ATP2B4: variants seen among roughly 807,000 people sequenced by gnomAD.
ATP2B4 encodes the protein plasma membrane calcium-transporting ATPase 4.
Under a neutral mutation model 110.3 loss-of-function variants are expected in ATP2B4, and 39 were observed. The ratio of observed to expected loss-of-function variants is 0.35; its 90% CI spans 0.27 to 0.46. The LOEUF is 0.46. Ranked by LOEUF, ATP2B4 falls within the 20% of genes least tolerant of loss-of-function variation. The pLI, the probability that ATP2B4 is intolerant of heterozygous loss-of-function variation, is 1.00. For missense variants in ATP2B4, 1,135 were observed against 1,530.9 expected (o/e 0.74, Z 4.32); for synonymous variants, 538 against 571.7 (o/e 0.94, Z 0.84).
intron 1 of ATP2B4, among the ~76,000 whole-genome samples, chr1:203,647,466 A>AC (rs1325810578): frequency 3.9e-5 from 6 of 151,996 alleles, no homozygotes; most frequent in Admixed American, 1.3e-4. Flanking sequence ...AACAACAACA[A>AC]AAAAAACAAA....
At chr1:203,649,867 C>T (rs553366481) in intron 1 of ATP2B4, among the ~76,000 whole-genome samples, 6 of 152,282 alleles carry the variant, frequency 3.9e-5, no homozygotes, top group South Asian at 2.1e-4. Context: ...AGCCCCCACT[C>T]GTACCCGGCC....
At chr1:203,729,316 G>T (rs942725631) in intron 20 of ATP2B4, among the ~76,000 whole-genome samples, 2 of 152,074 alleles carry the variant, frequency 1.3e-5, no homozygotes, top group African/African-American at 4.8e-5. Context: ...GGAGGCCGAG[G>T]CTGGCAGATC....
intron 1 of ATP2B4, among the ~76,000 whole-genome samples, chr1:203,628,192 C>T (rs1259727150): frequency 1.3e-5 from 2 of 152,158 alleles, no homozygotes. Flanking sequence ...CTGGGATTGT[C>T]CTTCCTGCTC....
At chr1:203,704,069 A>G (rs1665774020) in intron 8 of ATP2B4, among the ~76,000 whole-genome samples, 1 of 152,240 alleles carries the variant, frequency 6.6e-6, no homozygotes, top group Non-Finnish European at 1.5e-5. Flanking sequence ...TGAGAAACAA[A>G]GAGCATATAT....
chr1:203,665,453 A>G (rs970546414), intron 1 of ATP2B4, among the ~76,000 whole-genome samples: 1 of 152,032 alleles, frequency 6.6e-6, no homozygotes, highest in African/African-American at 2.4e-5. Context: ...TTGACACCCA[A>G]TACAGATTTC....
intron 3 of ATP2B4, among the ~76,000 whole-genome samples, chr1:203,698,785 T>A (rs1665608625): frequency 6.6e-6 from 1 of 151,798 alleles, no homozygotes; most frequent in Non-Finnish European, 1.5e-5. Flanking sequence ...TACAGGCGTG[T>A]GCCATCACGC....
intron 2 of ATP2B4, among the ~76,000 whole-genome samples, chr1:203,686,993 C>G (rs1161397553): frequency 1.9e-5 from 2 of 104,914 alleles, no homozygotes; most frequent in East Asian, 2.7e-4. Flanking sequence ...TGGCATCTGG[C>G]CTTTTTTTTT....
chr1:203,722,209 C>T (rs1666357570), intron 17 of ATP2B4, among the ~76,000 whole-genome samples: 1 of 152,066 alleles, frequency 6.6e-6, no homozygotes, highest in Admixed American at 6.6e-5. Context: ...GTGGTGCACG[C>T]CTGTAGTCCC....
In ATP2B4 at chr1:203,732,245, A is replaced by G. The variant is rs1159375214; in HGVS notation, c.3309+4674A>G. Among the ~76,000 whole-genome samples, 3 of 151,996 alleles carry G rather than the reference A, an allele frequency of 2.0e-5. 1 individual carries two copies. The South Asian group carries it at 6.2e-4, about 32-fold the overall frequency. On this transcript the variant is annotated intron_variant, in intron 20 of 20. Coordinates refer to ENST00000357681, the MANE Select transcript of ATP2B4 (RefSeq NM_001684.5). The stretch of plus-strand genomic sequence containing the variant: ...TGAGGAACAGGGCACTGAAAACCAG[A>G]GGCTACTTGTGTAAGCCTCGACCTG...
At chr1:203,674,049 G>A (rs1464549828) in intron 1 of ATP2B4, among the ~76,000 whole-genome samples, 1 of 152,204 alleles carries the variant, frequency 6.6e-6, no homozygotes, top group African/African-American at 2.4e-5. Context: ...TAGTCCAAGA[G>A]AGTGCATATA....
At chr1:203,699,163 G>A (rs1665618981) in intron 3 of ATP2B4, among the ~76,000 whole-genome samples, 1 of 152,164 alleles carries the variant, frequency 6.6e-6, no homozygotes, top group African/African-American at 2.4e-5. Context: ...GGAAACAGTA[G>A]TGAAAGCCTG....
chr1:203,722,395 G>T, intron 17 of ATP2B4, 83 bp from the exon 18 acceptor site: 1 of 1,096,010 alleles, frequency 9.1e-7, no homozygotes, highest in Non-Finnish European at 1.4e-6. Flanking sequence ...CCAGCCATAA[G>T]CAAGCAGTAT....
chr1:203,629,909 G>A lies in ATP2B4; in HGVS notation c.-465+2690G>A, dbSNP rs1206323560. 6.6e-6 allele frequency among the ~76,000 whole-genome samples: 1 copy of A among 152,174 alleles called. No homozygotes were observed. The highest frequency in any genetic ancestry group is 1.5e-5 in the Non-Finnish European group (1 of 68,034). ...GTCAAGGCATGTTGAGAGAAGCACGGGCAGTTTGGGGGCCTTGGAATCAGC... is the reference window on the plus strand; with the variant it reads ...GTCAAGGCATGTTGAGAGAAGCACGAGCAGTTTGGGGGCCTTGGAATCAGC... On this transcript the variant is annotated intron_variant, in intron 1 of 20. Coordinates refer to ENST00000357681, the MANE Select transcript of ATP2B4 (RefSeq NM_001684.5). This position sits in a 1 kb window ranked among gnomAD's most constrained non-coding sequence, Gnocchi z 4.6.
chr1:203,706,825 A>T (rs767944147), intron 8 of ATP2B4, among the ~76,000 whole-genome samples, 184 bp from the exon 9 acceptor site: 11 of 152,170 alleles, frequency 7.2e-5, no homozygotes, highest in Non-Finnish European at 1.3e-4. Flanking sequence ...ATACGAAACC[A>T]CTGTCTGTTC....
chr1:203,669,700 G>A (rs547782778), intron 1 of ATP2B4, among the ~76,000 whole-genome samples: 1 of 152,274 alleles, frequency 6.6e-6, no homozygotes, highest in Non-Finnish European at 1.5e-5. Context: ...GCCTCCCAAA[G>A]CGCTGGGATT....
chr1:203,742,629 A>G lies in ATP2B4; in HGVS notation c.*2775A>G, dbSNP rs1427518408. 2 of 152,676 alleles carry G rather than the reference A, an allele frequency of 1.3e-5. No individual in the cohort carries two copies. The highest frequency in any genetic ancestry group is 2.4e-5 in the African/African-American group (1 of 41,444). The allele number at this position is 152,676 out of a possible 1,614,324, so 9.5% of individuals were successfully genotyped here. A position where few individuals can be genotyped will look rare whatever the true frequency, so the allele number is the denominator to read the frequency against. ...CCAGCAAGGGACACAGCTGTCAGGA[A>G]ATGAATCTTCCCCCCAACCCCCACC... On this transcript the variant is annotated 3_prime_UTR_variant, in exon 21 of 21. Coordinates refer to ENST00000357681, the MANE Select transcript of ATP2B4 (RefSeq NM_001684.5).
At chr1:203,640,255 G>T (rs1158480696) in intron 1 of ATP2B4, among the ~76,000 whole-genome samples, 1 of 152,022 alleles carries the variant, frequency 6.6e-6, no homozygotes, top group Non-Finnish European at 1.5e-5. Flanking sequence ...CCTGTTCTCT[G>T]TGTGTTCCCA....
At chr1:203,687,672 T>C (rs931503484) in intron 2 of ATP2B4, among the ~76,000 whole-genome samples, 43 of 152,196 alleles carry the variant, frequency 2.8e-4, no homozygotes, top group Non-Finnish European at 1.3e-4. Context: ...TTTTAAACCA[T>C]AGCTTTTAAG....
At chr1:203,630,369 CTTT>C (rs869129746) in intron 1 of ATP2B4, among the ~76,000 whole-genome samples, 1 of 14,992 alleles carries the variant, frequency 6.7e-5, no homozygotes, top group African/African-American at 1.1e-4. Flanking sequence ...CTCTCTCTCT[CTTT>C]TTTTTTTTTT....
Sources: allele counts gnomAD v4.1 joint callset (sites outside exome capture counted in the v4.1 genomes callset), GRCh38; gene constraint gnomAD v4.1.1; non-coding constraint Gnocchi (gnomAD v3.1); transcripts MANE v1.5; gene names NCBI Gene and HGNC (gene_info 2026-07-23, HGNC 2026-07-21).